NLGN4X: variants seen among roughly 807,000 people sequenced by gnomAD.
NLGN4X encodes neuroligin-4, X-linked.
In NLGN4X, 3 loss-of-function variants were observed where a neutral mutation model predicts 40.3. The observed-to-expected ratio is 0.07, with a 90% CI of 0.03 to 0.19. The LOEUF (loss-of-function observed/expected upper bound fraction) is 0.19, where lower values mean the gene tolerates loss of function less well. Ranked by LOEUF, NLGN4X falls within the 10% of genes least tolerant of loss-of-function variation. NLGN4X has a pLI of 1.00. For synonymous variants in NLGN4X, 270 were observed against 306.8 expected, an observed-to-expected ratio of 0.88 and a Z score of 1.25; for missense variants, 382 against 708.3, an observed-to-expected ratio of 0.54 and a Z score of 5.23.
intron 5 of NLGN4X, among the ~76,000 whole-genome samples, chrX:5,899,160 T>C (rs2031697203): frequency 8.9e-6 from 1 of 112,545 alleles, no homozygotes; most frequent in African/African-American, 3.2e-5. Context: ...AGGAATCATT[T>C]GAGTCATTCT....
chrX:5,921,148 C>T (rs201277718), intron 3 of NLGN4X, among the ~76,000 whole-genome samples: 30 of 91,030 alleles, frequency 3.3e-4, no homozygotes, highest in East Asian at 1.4e-3. Flanking sequence ...TATATATATA[C>T]ATATATATAT....
intron 3 of NLGN4X, among the ~76,000 whole-genome samples, chrX:5,985,586 G>T (rs986049688): frequency 6.3e-5 from 7 of 111,627 alleles, no homozygotes; most frequent in African/African-American, 9.8e-5. Context: ...ACTGTGCCTG[G>T]CCTGAATGAT....
chrX:6,065,362 TAA>T (rs5901312), intron 2 of NLGN4X, among the ~76,000 whole-genome samples: 17 of 101,998 alleles, frequency 1.7e-4, no homozygotes, highest in Admixed American at 2.2e-4. Flanking sequence ...CTCTGGCCCT[TAA>T]AAAAAAAAAG....
chrX:5,930,935 T>A (rs958612105), intron 3 of NLGN4X, among the ~76,000 whole-genome samples: 2 of 112,257 alleles, frequency 1.8e-5, no homozygotes, highest in Non-Finnish European at 3.8e-5. Context: ...CCTATTGATT[T>A]ACCCCATCCT....
chrX:5,992,493 C>T (rs2035709763), intron 3 of NLGN4X, among the ~76,000 whole-genome samples: 1 of 110,860 alleles, frequency 9.0e-6, no homozygotes, highest in Non-Finnish European at 1.9e-5. Flanking sequence ...CCTAGCTACT[C>T]GGGAGGTTGA....
Position 5,990,087 on chromosome X carries a change from TC to T in NLGN4X, c.625+39192del, listed in dbSNP as rs1275547470. On this transcript the variant is annotated intron_variant, in intron 3 of 5. Coordinates refer to ENST00000381095, the MANE Select transcript of NLGN4X (RefSeq NM_181332.3). ...CTCTGTCTCTATTTTCCTCTCTCTCTCTCTCTCTCTCTCTCTCTCTCTCTCT... is the reference window on the plus strand; with the variant it reads ...CTCTGTCTCTATTTTCCTCTCTCTCTTCTCTCTCTCTCTCTCTCTCTCTCT... Among the ~76,000 whole-genome samples the T allele has an allele frequency of 8.4e-5, 9 of 106,721 alleles. No homozygotes were observed. In the East Asian group the frequency reaches 2.4e-3, roughly 28 times the overall value. The allele number at this position is 106,721 out of a possible 115,157, so 92.7% of individuals were successfully genotyped here.
chrX:6,137,016 A>G (rs2039835523), intron 2 of NLGN4X, among the ~76,000 whole-genome samples: 1 of 112,364 alleles, frequency 8.9e-6, no homozygotes, highest in Admixed American at 9.4e-5. Flanking sequence ...GACTGCATTC[A>G]TTTCTGGGGC....
chrX:5,957,165 T>C (rs180803095), intron 3 of NLGN4X, among the ~76,000 whole-genome samples: 13 of 112,193 alleles, frequency 1.2e-4, no homozygotes, highest in South Asian at 3.7e-4. Flanking sequence ...TAACAAATGA[T>C]AGTTACTGAT....
At chrX:5,955,325 A>G (rs2034457691) in intron 3 of NLGN4X, among the ~76,000 whole-genome samples, 1 of 112,206 alleles carries the variant, frequency 8.9e-6, no homozygotes, top group South Asian at 3.7e-4. Context: ...TCCATCACCA[A>G]TGAGAATTCC....
chrX:6,209,367 C>A (rs180912030), intron 1 of NLGN4X, among the ~76,000 whole-genome samples: 4 of 111,392 alleles, frequency 3.6e-5, no homozygotes, highest in Non-Finnish European at 5.6e-5. Context: ...AGCACTTGTG[C>A]CCGTTAAATT....
chrX:5,956,764 G>A lies in NLGN4X; in HGVS notation c.626-47525C>T, dbSNP rs7060303. 8.7e-3 allele frequency among the ~76,000 whole-genome samples: 971 copies of A among 111,912 alleles called. 9 individuals carry two copies. The highest frequency in any genetic ancestry group is 0.03 in the African/African-American group (937 of 30,806). The stretch of plus-strand genomic sequence containing the variant: ...AAAGCTAAGAAACCCTCCACTCACT[G>A]GGCATTTGTTTCAGGTTACTACATA... On this transcript the variant is annotated intron_variant, in intron 3 of 5. Transcript: ENST00000381095.
chrX:5,953,482 C>T (rs1345052276), intron 3 of NLGN4X, among the ~76,000 whole-genome samples: 1 of 111,946 alleles, frequency 8.9e-6, no homozygotes, highest in East Asian at 2.8e-4. Context: ...GTTCTTAACA[C>T]AGAGAAGGGA....
At chrX:6,069,893 G>A (rs976551067) in intron 2 of NLGN4X, among the ~76,000 whole-genome samples, 5 of 111,559 alleles carry the variant, frequency 4.5e-5, no homozygotes, top group Admixed American at 3.8e-4. Flanking sequence ...AATATGATTA[G>A]CCATTTTCAT....
rs1258950409 is a variant in NLGN4X, at chrX:6,041,072, T to G, written c.473-11640A>C. Among the ~76,000 whole-genome samples, 4 of 111,527 alleles carry G rather than the reference T, an allele frequency of 3.6e-5. No individual in the cohort carries two copies. The East Asian group carries it at 1.1e-3, about 31-fold the overall frequency. ...GACACACTGTCCTTATTCTTAGCTT[T>G]CATTATAAGAGGACTTGAACACACC... On this transcript the variant is annotated intron_variant, in intron 2 of 5. Coordinates refer to ENST00000381095, the MANE Select transcript of NLGN4X (RefSeq NM_181332.3).
intron 2 of NLGN4X, among the ~76,000 whole-genome samples, chrX:6,081,003 T>C (rs943269082): frequency 2.7e-5 from 3 of 109,265 alleles, no homozygotes; most frequent in African/African-American, 1.0e-4. Flanking sequence ...AAAAAAATTA[T>C]AGAGGCTGAG....
At chrX:6,086,869 A>G (rs908212744) in intron 2 of NLGN4X, among the ~76,000 whole-genome samples, 1 of 110,847 alleles carries the variant, frequency 9.0e-6, no homozygotes, top group African/African-American at 3.3e-5. Flanking sequence ...CCTGGCCTCA[A>G]GTGATCCTCA....
At chrX:5,910,325 G>C (rs1569124582) in intron 3 of NLGN4X, among the ~76,000 whole-genome samples, 2 of 105,046 alleles carry the variant, frequency 1.9e-5, no homozygotes, top group Admixed American at 1.0e-4. Context: ...ATTTTTAAAA[G>C]TTTTTTTTTT....
intron 3 of NLGN4X, among the ~76,000 whole-genome samples, chrX:5,979,386 T>C (rs905581567): frequency 2.2e-4 from 24 of 110,778 alleles, no homozygotes; most frequent in African/African-American, 7.2e-4. Context: ...CTGAACCACA[T>C]GGTACTTGTA....
chrX:6,218,471 AACCCACACACACACACAC>A, intron 1 of NLGN4X, among the ~76,000 whole-genome samples: 1 of 72,360 alleles, frequency 1.4e-5, no homozygotes, highest in East Asian at 4.2e-4. Context: ...TGAGAGATTA[AACCCACACACACACACAC>A]ACACACACAC....
Sources: gnomAD v4.1 joint callset for allele counts (sites outside exome capture counted in the v4.1 genomes callset) on GRCh38, gnomAD v4.1.1 for gene constraint, MANE v1.5 for transcripts, NCBI Gene and HGNC (gene_info 2026-07-23, HGNC 2026-07-21) for gene names.